SORCS2: variants seen among roughly 807,000 people sequenced by gnomAD.
The protein encoded by SORCS2 is VPS10 domain-containing receptor SorCS2.
In SORCS2, 100 loss-of-function variants were observed where a neutral mutation model predicts 141.6. That is an observed-to-expected ratio of 0.71 (90% CI 0.60 to 0.83). The LOEUF (loss-of-function observed/expected upper bound fraction) is 0.83. Among genes scored for constraint, SORCS2 ranks in the 40% least tolerant of loss-of-function variants. The pLI is 0.00. For synonymous variants in SORCS2, 789 were observed against 676.9 expected (o/e 1.17, Z -2.57); for missense variants, 1,646 against 1,560.2 (o/e 1.05, Z -0.93).
In SORCS2 at chr4:7,570,061, G is replaced by A. The variant is rs189791899; in HGVS notation, c.648+38432G>A. Among the ~76,000 whole-genome samples the A allele has an allele frequency of 1.3e-5, 2 of 152,284 alleles. 1 individual carries two copies. Among genetic ancestry groups the A allele is most frequent in the East Asian group, 3.9e-4 (2 of 5,180 alleles). On this transcript the variant is annotated intron_variant, in intron 3 of 26. Coordinates refer to ENST00000507866, the MANE Select transcript of SORCS2 (RefSeq NM_020777.3). ...GCAATCCACTGCAGCTGAGAGCAGGGCCCCCATAAATCGGATCCTGGCTCT... is the reference window on the plus strand; with the variant it reads ...GCAATCCACTGCAGCTGAGAGCAGGACCCCCATAAATCGGATCCTGGCTCT...
At chr4:7,417,101 CTG>C (rs1410796977) in intron 2 of SORCS2, among the ~76,000 whole-genome samples, 3 of 152,142 alleles carry the variant, frequency 2.0e-5, no homozygotes, top group Non-Finnish European at 4.4e-5. Flanking sequence ...CACGAGGAAA[CTG>C]TCTTTGTTTT....
At chr4:7,555,908 G>C (rs1714069082) in intron 3 of SORCS2, among the ~76,000 whole-genome samples, 4 of 152,262 alleles carry the variant, frequency 2.6e-5, no homozygotes, top group African/African-American at 9.6e-5. Context: ...CACAGGGACA[G>C]ATGAGAAAGG....
At chr4:7,551,762 G>A (rs1489586065) in intron 3 of SORCS2, among the ~76,000 whole-genome samples, 1 of 152,234 alleles carries the variant, frequency 6.6e-6, no homozygotes. Context: ...CGCGAGCCAA[G>A]CTCTTTATCA....
intron 3 of SORCS2, among the ~76,000 whole-genome samples, chr4:7,581,325 C>CA (rs534187358): frequency 1.3e-5 from 2 of 151,670 alleles, no homozygotes; most frequent in South Asian, 2.1e-4. Context: ...TTTACATTGG[C>CA]AAAAAAATAC....
intron 2 of SORCS2, among the ~76,000 whole-genome samples, chr4:7,501,231 A>T (rs1381236066): frequency 1.3e-5 from 2 of 152,128 alleles, no homozygotes; most frequent in African/African-American, 4.8e-5. Context: ...GCTCGGTCCC[A>T]CGCCCTCGTG....
chr4:7,309,507 G>C (rs1718047557), intron 1 of SORCS2, among the ~76,000 whole-genome samples: 1 of 152,226 alleles, frequency 6.6e-6, no homozygotes, highest in South Asian at 2.1e-4. Context: ...GGGCGACACA[G>C]ACGATGGGCT....
chr4:7,316,179 C>T (rs1376539448), intron 1 of SORCS2, among the ~76,000 whole-genome samples: 1 of 151,902 alleles, frequency 6.6e-6, no homozygotes, highest in Admixed American at 6.6e-5. Context: ...CCTATTCACC[C>T]ATTCATCCAT....
At chr4:7,254,516 G>A (rs886330412) in intron 1 of SORCS2, among the ~76,000 whole-genome samples, 12 of 152,130 alleles carry the variant, frequency 7.9e-5, no homozygotes, top group African/African-American at 2.7e-4. Context: ...GTGGAGACTC[G>A]GATGGGTGGC....
chr4:7,563,839 A>T (rs1490238283), intron 3 of SORCS2, among the ~76,000 whole-genome samples: 1 of 152,238 alleles, frequency 6.6e-6, no homozygotes, highest in Non-Finnish European at 1.5e-5. Context: ...ACTGCTGTGA[A>T]TTCCGAGGGC....
chr4:7,453,966 T>C (rs867353771), intron 2 of SORCS2, among the ~76,000 whole-genome samples: 5 of 70,622 alleles, frequency 7.1e-5, no homozygotes, highest in Non-Finnish European at 5.7e-5. Context: ...TGGGGTCAGG[T>C]GCTGTGTGTT....
chr4:7,252,055 G>C (rs1183370029), intron 1 of SORCS2, among the ~76,000 whole-genome samples: 1 of 152,260 alleles, frequency 6.6e-6, no homozygotes, highest in Non-Finnish European at 1.5e-5. Context: ...AAAGGGTCTG[G>C]GAAGGCCTCG....
At chr4:7,234,548 G>A (rs1322106746) in intron 1 of SORCS2, among the ~76,000 whole-genome samples, 2 of 152,184 alleles carry the variant, frequency 1.3e-5, no homozygotes, top group South Asian at 4.1e-4. Flanking sequence ...CCCAGGGCTG[G>A]GAGGCTGATG....
intron 1 of SORCS2, among the ~76,000 whole-genome samples, chr4:7,300,282 G>A (rs1049901523): frequency 5.3e-5 from 8 of 152,154 alleles, no homozygotes; most frequent in Non-Finnish European, 1.5e-5. Flanking sequence ...CTCGGGGATG[G>A]GGTGGGAAGT....
chr4:7,540,714 G>A (rs577026954), intron 3 of SORCS2, among the ~76,000 whole-genome samples: 2 of 152,236 alleles, frequency 1.3e-5, no homozygotes, highest in Non-Finnish European at 2.9e-5. Context: ...GGGAGACAGA[G>A]TGGGGAGAAC....
At chr4:7,586,818 A>C (rs947701076) in intron 3 of SORCS2, among the ~76,000 whole-genome samples, 7 of 152,078 alleles carry the variant, frequency 4.6e-5, no homozygotes, top group African/African-American at 1.4e-4. Flanking sequence ...TTTGTCCTTG[A>C]AACCTGTATC....
chr4:7,676,428 G>A (rs1042219219), intron 9 of SORCS2, among the ~76,000 whole-genome samples, 199 bp downstream of exon 9: 2 of 152,188 alleles, frequency 1.3e-5, no homozygotes, highest in Non-Finnish European at 2.9e-5. Context: ...TAGAGAAAGA[G>A]AATTTCCTTC....
At chr4:7,459,891 A>G (rs12512597) in intron 2 of SORCS2, 55,266 of 152,852 alleles carry the variant, frequency 0.36, 10,538 homozygotes, top group Non-Finnish European at 0.43. Flanking sequence ...TCTGCCCCCA[A>G]TTGGTAGGGA....
At position 7,192,942 on chromosome 4, in the gene SORCS2, G is replaced by A; in HGVS notation, c.296G>A (p.Gly99Asp). 7.6e-7 allele frequency: 1 copy of A among 1,309,976 alleles called. No individual in the cohort carries two copies. The highest frequency in any genetic ancestry group is 1.6e-5 in the African/African-American group (1 of 64,254). 81.1% of individuals were successfully genotyped at this position (1,309,976 alleles called of 1,614,324 possible). The change falls in exon 1 of 27, where the codon GGT becomes GAT. Residue 99 changes from glycine to aspartate, a missense_variant. Coordinates refer to ENST00000507866, the MANE Select transcript of SORCS2 (RefSeq NM_020777.3). The surrounding 1 kb of genome is among the most constrained non-coding windows in gnomAD (Gnocchi z 4.0). ...TEPGAPGPSP[G>D]PAPGPGEDGA... ...CCAGGCGCCCCGGGTCCGAGTCCCGGTCCCGCTCCTGGTCCCGGCGAGGAC... is the reference window on the plus strand; with the variant it reads ...CCAGGCGCCCCGGGTCCGAGTCCCGATCCCGCTCCTGGTCCCGGCGAGGAC...
At chr4:7,627,632 G>C (rs1185682317) in intron 3 of SORCS2, among the ~76,000 whole-genome samples, 1 of 152,222 alleles carries the variant, frequency 6.6e-6, no homozygotes, top group Non-Finnish European at 1.5e-5. Context: ...GCCTCTGTTG[G>C]CTGAGGAGCC....
Sources: allele counts gnomAD v4.1 joint callset (sites outside exome capture counted in the v4.1 genomes callset), GRCh38; gene constraint gnomAD v4.1.1; non-coding constraint Gnocchi (gnomAD v3.1); transcripts MANE v1.5; gene names NCBI Gene and HGNC (gene_info 2026-07-23, HGNC 2026-07-21).